HYKK: variants seen among roughly 807,000 people sequenced by gnomAD.
The protein encoded by HYKK is hydroxylysine kinase, also known as 5-hydroxy-L-lysine kinase.
HYKK carries 19 observed loss-of-function variants against 29.7 expected under a neutral mutation model. The observed-to-expected ratio is 0.64, with a 90% CI of 0.45 to 0.94. The LOEUF is 0.94. Ranked by LOEUF, HYKK falls within the 40% of genes least tolerant of loss-of-function variation. HYKK has a pLI of 0.00. For synonymous variants in HYKK, 152 were observed against 158.1 expected, an observed-to-expected ratio of 0.96 and a Z score of 0.29; for missense variants, 390 against 443.4, an observed-to-expected ratio of 0.88 and a Z score of 1.08.
chr15:78,529,108 T>G (rs1230065183), intron 4 of HYKK, among the ~76,000 whole-genome samples: 1 of 152,180 alleles, frequency 6.6e-6, no homozygotes, highest in Non-Finnish European at 1.5e-5. Flanking sequence ...GAGCCTATGA[T>G]CTGGATGATT....
intron 3 of HYKK, among the ~76,000 whole-genome samples, chr15:78,525,455 C>A (rs1035248604): frequency 1.3e-5 from 2 of 151,578 alleles, no homozygotes; most frequent in African/African-American, 4.8e-5. Flanking sequence ...CATGCCCAGC[C>A]TAGAGGAACT....
In HYKK at chr15:78,518,014, C is replaced by G. The variant is rs73463024; in HGVS notation, c.477+2907C>G. Among the ~76,000 whole-genome samples, 782 of 152,296 alleles carry G rather than the reference C, an allele frequency of 5.1e-3. 8 individuals are homozygous for G. Among genetic ancestry groups the G allele is most frequent in the African/African-American group, 0.018 (748 of 41,572 alleles). ...AGATCCCTGAAGTGCTTTCTCTCTG[C>G]AGCTCTCCCATCCCTGGTAATCTGT... On this transcript the variant is annotated intron_variant, in intron 3 of 4. Transcript: ENST00000388988.
chr15:78,515,779 G>A (rs962104148), intron 3 of HYKK, among the ~76,000 whole-genome samples: 2 of 151,944 alleles, frequency 1.3e-5, no homozygotes, highest in African/African-American at 2.4e-5. Flanking sequence ...TAGTAGAGAC[G>A]AGGTTTCACT....
chr15:78,522,543 A>G (rs2052207974), intron 3 of HYKK, among the ~76,000 whole-genome samples: 2 of 131,538 alleles, frequency 1.5e-5, no homozygotes, highest in South Asian at 2.6e-4. Context: ...TGGGTGACAG[A>G]GTGAGACTCC....
At chr15:78,518,789 C>T in intron 3 of HYKK, 1 of 307,198 alleles carries the variant, frequency 3.3e-6, no homozygotes, top group Admixed American at 4.3e-5. Flanking sequence ...GTGGCGGGCG[C>T]CTATAATCCC....
intron 1 of HYKK, among the ~76,000 whole-genome samples, 182 bp from the exon 2 acceptor site, chr15:78,512,902 A>G (rs531630097): frequency 6.6e-6 from 1 of 152,326 alleles, no homozygotes; most frequent in Admixed American, 6.5e-5. Context: ...CAGTTGTCAA[A>G]TCATCTACTT....
At chr15:78,517,109 C>CTTTCTT (rs1567017531) in intron 3 of HYKK, among the ~76,000 whole-genome samples, 3 of 108,400 alleles carry the variant, frequency 2.8e-5, no homozygotes, top group Non-Finnish European at 3.7e-5. Flanking sequence ...TTCTTTCTTT[C>CTTTCTT]TTTTTTTTTT....
At chr15:78,518,090 T>C (rs1486417974) in intron 3 of HYKK, among the ~76,000 whole-genome samples, 1 of 152,220 alleles carries the variant, frequency 6.6e-6, no homozygotes, top group Non-Finnish European at 1.5e-5. Flanking sequence ...CTCTACCTCC[T>C]CAACTCAGAG....
At position 78,518,915 on chromosome 15, in the gene HYKK, TA is replaced by T. The variant is rs764174063; in HGVS notation, c.477+3828del. ...GGACAAGACAGAGCAAGACTCTGTC[TA>T]AAAAAAAAAAAAAAAAAAACTGAAA... On this transcript the variant is annotated intron_variant, in intron 3 of 4. Coordinates refer to ENST00000388988, the MANE Select transcript of HYKK (RefSeq NM_001013619.4). 4.5e-3 allele frequency: 401 copies of T among 88,574 alleles called. 1 individual carries two copies. Among genetic ancestry groups the T allele is most frequent in the African/African-American group, 0.01 (249 of 23,720 alleles). The allele number at this position is 88,574 out of a possible 1,614,324, so 5.5% of individuals were successfully genotyped here. A position where few individuals can be genotyped will look rare whatever the true frequency, so the allele number is the denominator to read the frequency against.
At chr15:78,520,862 G>A (rs1276444457) in intron 3 of HYKK, among the ~76,000 whole-genome samples, 1 of 150,836 alleles carries the variant, frequency 6.6e-6, no homozygotes, top group Non-Finnish European at 1.5e-5. Flanking sequence ...CTGGCCGGGC[G>A]GGGGGCTGAC....
intron 3 of HYKK, among the ~76,000 whole-genome samples, chr15:78,521,912 C>T (rs1202867135): frequency 6.6e-6 from 1 of 151,918 alleles, no homozygotes; most frequent in Non-Finnish European, 1.5e-5. Context: ...TGACTCAGAG[C>T]CTTCCCCGAG....
chr15:78,528,796 G>T (rs1266699879), intron 4 of HYKK: 1 of 918,348 alleles, frequency 1.1e-6, no homozygotes, highest in Non-Finnish European at 1.3e-6. Flanking sequence ...AGCGAAATCC[G>T]TCTCCAAAAA....
intron 2 of HYKK, among the ~76,000 whole-genome samples, 158 bp downstream of exon 2, chr15:78,513,583 TGTTTTCGGTGCTGGG>T: frequency 6.6e-6 from 1 of 152,206 alleles, no homozygotes; most frequent in African/African-American, 2.4e-5. Flanking sequence ...GAGGTGGTTG[TGTTTTCGGTGCTGGG>T]AGAAGCTACA....
intron 4 of HYKK, among the ~76,000 whole-genome samples, chr15:78,530,028 G>A (rs772654809): frequency 3.3e-5 from 5 of 151,014 alleles, no homozygotes; most frequent in African/African-American, 4.9e-5. Flanking sequence ...TAGAGATAGG[G>A]TCTCTCTATG....
At chr15:78,523,817 A>G (rs181190327) in intron 3 of HYKK, among the ~76,000 whole-genome samples, 1 of 152,388 alleles carries the variant, frequency 6.6e-6, no homozygotes, top group East Asian at 1.9e-4. Context: ...AAAACCCAGC[A>G]GGGCAGTCAT....
intron 4 of HYKK, 57 bp downstream of exon 4, chr15:78,527,620 T>C: frequency 6.3e-7 from 1 of 1,593,124 alleles, no homozygotes; most frequent in Non-Finnish European, 8.6e-7. Flanking sequence ...CAATTTCATA[T>C]CATCAGAAAA....
chr15:78,514,189 A>AT (rs370663336), intron 2 of HYKK, among the ~76,000 whole-genome samples: 67 of 152,240 alleles, frequency 4.4e-4, no homozygotes, highest in Middle Eastern at 3.4e-3. Flanking sequence ...TAGAAAGAAT[A>AT]TAATACTGGA....
chr15:78,520,861 C>T (rs528597928), intron 3 of HYKK, among the ~76,000 whole-genome samples: 6 of 147,952 alleles, frequency 4.1e-5, no homozygotes, highest in East Asian at 2.0e-4. Flanking sequence ...GCTGGCCGGG[C>T]GGGGGGCTGA....
intron 3 of HYKK, among the ~76,000 whole-genome samples, chr15:78,525,740 C>T (rs1335213175): frequency 6.6e-6 from 1 of 152,046 alleles, no homozygotes; most frequent in African/African-American, 2.4e-5. Context: ...CTCAAATGAT[C>T]CACCCACGTT....
Sources: allele counts gnomAD v4.1 joint callset (sites outside exome capture counted in the v4.1 genomes callset), GRCh38; gene constraint gnomAD v4.1.1; transcripts MANE v1.5; gene names NCBI Gene and HGNC (gene_info 2026-07-23, HGNC 2026-07-21).